Variants in SENP3 observed in about 807,000 individuals in gnomAD.
SENP3 encodes the protein sentrin-specific protease 3.
A neutral mutation model predicts 66.2 loss-of-function variants in SENP3; 11 were observed. The observed-to-expected ratio is 0.17, with a 90% CI of 0.10 to 0.28. The LOEUF (loss-of-function observed/expected upper bound fraction) is 0.28, where lower values mean the gene tolerates loss of function less well. Ranked by LOEUF, SENP3 falls within the 10% of genes least tolerant of loss-of-function variation. The pLI, the probability that SENP3 is intolerant of heterozygous loss-of-function variation, is 1.00. For missense variants in SENP3, 548 were observed against 743.7 expected, an observed-to-expected ratio of 0.74 and a Z score of 3.06; for synonymous variants, 292 against 277.6, an observed-to-expected ratio of 1.05 and a Z score of -0.52.
rs1163690216 is a variant in SENP3, at chr17:7,563,431, C to A, written c.355C>A (p.Arg119=). 1 of 1,375,800 alleles carries A rather than the reference C, an allele frequency of 7.3e-7. No individual in the cohort carries two copies. Among genetic ancestry groups the A allele is most frequent in the Non-Finnish European group, 9.8e-7 (1 of 1,018,170 alleles). The allele number at this position is 1,375,800 out of a possible 1,614,324, so 85.2% of individuals were successfully genotyped here. A position where few individuals can be genotyped will look rare whatever the true frequency, so the allele number is the denominator to read the frequency against. ...GCCCCGCCCTTCCCGCCCCACTCAT[C>A]GAAAAACCTGCTCACAGCGCCGCCG... ...QRPRPSRPTH[R]KTCSQRRRRA... The change falls in exon 2 of 11, where the codon CGA becomes AGA. Residue 119 remains arginine (R), a synonymous_variant. Transcript: ENST00000321337.
intron 2 of SENP3, 57 bp from the exon 3 acceptor site, chr17:7,564,568 C>G: frequency 1.2e-6 from 2 of 1,601,998 alleles, no homozygotes; most frequent in Non-Finnish European, 1.7e-6. Context: ...GTGTGCATCC[C>G]ATTGTGCTTT....
At chr17:7,566,033 T>TA (rs541730447) in intron 6 of SENP3, 3,926 of 292,540 alleles carry the variant, frequency 0.013, no homozygotes, top group Middle Eastern at 0.027. Context: ...AAACAAGATT[T>TA]AAAAAAAAAA....
At position 7,571,414 on chromosome 17, in the gene SENP3, C is replaced by T; in HGVS notation, c.1656C>T (p.Thr552=). ...CCCTGTCTCAGCCATTCAGCTTCAC[C>T]CAGCAGGACATGCCCAAACTTCGTC... The part of the protein sequence containing the change: ...HLALSQPFSF[T]QQDMPKLRRQ... Residue 552 remains threonine (T), a synonymous_variant, in exon 11 of 11, where the codon ACC becomes ACT. Transcript: ENST00000321337. 4.3e-6 allele frequency: 7 copies of T among 1,613,738 alleles called. No homozygotes were observed. The highest frequency in any genetic ancestry group is 5.9e-6 in the Non-Finnish European group (7 of 1,179,802).
In SENP3 at chr17:7,570,696, C is replaced by A. The variant is rs375438989; in HGVS notation, c.1495C>A (p.Leu499Ile). The change falls in exon 9 of 11, where the codon CTA becomes ATA. Residue 499 changes from leucine (L) to isoleucine (I), a missense_variant. By Grantham distance (5) the Leu-to-Ile change is conservative (BLOSUM62 2). Coordinates refer to ENST00000321337, the MANE Select transcript of SENP3 (RefSeq NM_015670.6). The surrounding 1 kb of genome is among the most constrained non-coding windows in gnomAD (Gnocchi z 5.4). ...ATCCACATAGCATATTGCCAAGTAT[C>A]TACAGGCAGAGGCGGTAAAGAAAGA... ...RRCPKHIAKY[L>I]QAEAVKKDRL... 3 of 1,612,726 alleles carry A rather than the reference C, an allele frequency of 1.9e-6. No individual in the cohort carries two copies. Among genetic ancestry groups the A allele is most frequent in the Non-Finnish European group, 2.5e-6 (3 of 1,179,356 alleles).
chr17:7,566,603 T>C (rs1172940894), intron 6 of SENP3, among the ~76,000 whole-genome samples: 2 of 138,678 alleles, frequency 1.4e-5, no homozygotes, highest in Non-Finnish European at 3.2e-5. Context: ...GAGGCGGAGG[T>C]TGCAGCGAGT....
At position 7,570,583 on chromosome 17, in the gene SENP3, G is replaced by A. The variant is rs2071304899; in HGVS notation, c.1479+90G>A. ...AGAAGGGTGGGCTTTGGGTCTTTGAGGGGCGACCTGGGCATGGTGTCTGCC... is the reference window on the plus strand; with the variant it reads ...AGAAGGGTGGGCTTTGGGTCTTTGAAGGGCGACCTGGGCATGGTGTCTGCC... On this transcript the variant is annotated intron_variant, in intron 8 of 10. Coordinates refer to ENST00000321337, the MANE Select transcript of SENP3 (RefSeq NM_015670.6). This position sits in a 1 kb window ranked among gnomAD's most constrained non-coding sequence, Gnocchi z 5.4. 9 of 1,567,482 alleles carry A rather than the reference G, an allele frequency of 5.7e-6. No homozygotes were observed. The highest frequency in any genetic ancestry group is 2.7e-5 in the African/African-American group (2 of 73,786).
intron 6 of SENP3, among the ~76,000 whole-genome samples, chr17:7,566,342 C>CA (rs753219905): frequency 0.02 from 2,018 of 101,880 alleles, 39 homozygotes; most frequent in African/African-American, 0.061. Context: ...AATTCTGTCT[C>CA]AAAAAAAAAA....
intron 2 of SENP3, 187 bp from the exon 3 acceptor site, chr17:7,564,438 T>C: frequency 1.3e-6 from 1 of 788,048 alleles, no homozygotes; most frequent in Middle Eastern, 2.2e-4. Context: ...CCCTGTAGAA[T>C]CTCTTGGACA....
At chr17:7,569,019 A>C (rs2071289846) in intron 7 of SENP3, among the ~76,000 whole-genome samples, 1 of 152,212 alleles carries the variant, frequency 6.6e-6, no homozygotes, top group Admixed American at 6.5e-5. Context: ...GTGGAGAGAA[A>C]GCCCCACAAA....
In SENP3 at chr17:7,565,569, G is replaced by T; in HGVS notation, c.1197G>T (p.Gln399His). 6.2e-7 allele frequency: 1 copy of T among 1,613,914 alleles called. No homozygotes were observed. Among genetic ancestry groups the T allele is most frequent in the Non-Finnish European group, 8.5e-7 (1 of 1,179,852 alleles). ...TMDDLGTLYG[Q>H]NWLNDQVMNM... is the part of the protein sequence containing the mutation. ...ATGACTTGGGGACCTTGTATGGACAGAACTGGCTCAATGACCAGGTGAGAA... is the reference window on the plus strand; with the variant it reads ...ATGACTTGGGGACCTTGTATGGACATAACTGGCTCAATGACCAGGTGAGAA... Residue 399 changes from glutamine (Q) to histidine (H), a missense_variant, in exon 5 of 11, where the codon CAG becomes CAT. Around this residue, in one of 6 missense-constraint regions of SENP3, gnomAD observed 72 missense variants for 137.9 expected, o/e 0.52. Coordinates refer to ENST00000321337, the MANE Select transcript of SENP3 (RefSeq NM_015670.6).
Position 7,565,053 on chromosome 17 carries a change from G to A in SENP3, c.1050G>A (p.Glu350=). 1.9e-6 allele frequency: 3 copies of A among 1,613,062 alleles called. No homozygotes were observed. Among genetic ancestry groups the A allele is most frequent in the Non-Finnish European group, 2.5e-6 (3 of 1,179,070 alleles). Residue 350 remains glutamate (E), a synonymous_variant, in exon 4 of 11, where the codon GAG becomes GAA. Transcript: ENST00000321337. The part of the protein sequence containing the change: ...VEKLEDIFQQ[E]FSTPSRKGLV... Reference sequence around the variant, plus strand: ...AGCTGGAGGACATTTTCCAGCAGGAGTTTTCCACCCCTTCCAGGTGAGGCT... The same window carrying A: ...AGCTGGAGGACATTTTCCAGCAGGAATTTTCCACCCCTTCCAGGTGAGGCT...
In SENP3 at chr17:7,570,227, A is replaced by G; in HGVS notation, c.1342-129A>G. ...CATGCAGATCCTGAGCTTGCCCACAATCTAGGCCTTGGGTCTTCTGTTCTT... is the reference window on the plus strand; with the variant it reads ...CATGCAGATCCTGAGCTTGCCCACAGTCTAGGCCTTGGGTCTTCTGTTCTT... On this transcript the variant is annotated intron_variant, in intron 7 of 10. Coordinates refer to ENST00000321337, the MANE Select transcript of SENP3 (RefSeq NM_015670.6). The surrounding 1 kb of genome is among the most constrained non-coding windows in gnomAD (Gnocchi z 5.4). The G allele has an allele frequency of 1.7e-6, 2 of 1,184,994 alleles. No individual in the cohort carries two copies. Among genetic ancestry groups the G allele is most frequent in the African/African-American group, 1.5e-5 (1 of 65,462 alleles). 73.4% of individuals were successfully genotyped at this position (1,184,994 alleles called of 1,614,324 possible).
chr17:7,571,359 T>C lies in SENP3; in HGVS notation c.1615-14T>C. ...CACGGGGGGTTTCTCATGGCTTGCT[T>C]TGTTAACACCCAGTACTGCAAGCAT... is the stretch of plus-strand genomic sequence containing the variant. On this transcript the variant is annotated splice_polypyrimidine_tract_variant and intron_variant, in intron 10 of 10. Transcript: ENST00000321337. The C allele has an allele frequency of 6.2e-7, 1 of 1,601,712 alleles. No individual in the cohort carries two copies. Among genetic ancestry groups the C allele is most frequent in the South Asian group, 1.1e-5 (1 of 90,816 alleles).
Position 7,570,220 on chromosome 17 carries a change from G to C in SENP3, c.1342-136G>C. 9.3e-7 allele frequency: 1 copy of C among 1,077,994 alleles called. No individual in the cohort carries two copies. The highest frequency in any genetic ancestry group is 1.3e-6 in the Non-Finnish European group (1 of 744,130). The allele number at this position is 1,077,994 out of a possible 1,614,324, so 66.8% of individuals were successfully genotyped here. A position where few individuals can be genotyped will look rare whatever the true frequency, so the allele number is the denominator to read the frequency against. ...ACCGAAACATGCAGATCCTGAGCTT[G>C]CCCACAATCTAGGCCTTGGGTCTTC... On this transcript the variant is annotated intron_variant, in intron 7 of 10. Transcript: ENST00000321337. The surrounding 1 kb of genome is among the most constrained non-coding windows in gnomAD (Gnocchi z 5.4).
chr17:7,563,379 A>G lies in SENP3; in HGVS notation c.303A>G (p.Arg101=), dbSNP rs2071238737. Residue 101 remains arginine (R), a synonymous_variant, in exon 2 of 11, where the codon AGA becomes AGG. Transcript: ENST00000321337. ...TGGCAGCTTGGAGGCTGCCCCCAAG[A>G]TGGAGTCAGCTGGGAACCTCCCAGC... ...EEVAAWRLPP[R]WSQLGTSQRP... is the part of the protein sequence containing the mutation. 10 of 1,551,142 alleles carry G rather than the reference A, an allele frequency of 6.4e-6. No individual in the cohort carries two copies. The highest frequency in any genetic ancestry group is 1.4e-5 in the African/African-American group (1 of 73,020).
In SENP3 at chr17:7,570,917, G is replaced by A; in HGVS notation, c.1598G>A (p.Gly533Asp). ...VARQNNDSDCGAFVLQYCKHL... is the reference protein window; with the variant it reads ...VARQNNDSDCDAFVLQYCKHL... ...AGGCAGAATAATGACAGTGACTGTGGTGCTTTTGTGTTGCAGGTAAGCAGA... is the reference window on the plus strand; with the variant it reads ...AGGCAGAATAATGACAGTGACTGTGATGCTTTTGTGTTGCAGGTAAGCAGA... Residue 533 changes from glycine to aspartate, a missense_variant, in exon 10 of 11, where the codon GGT becomes GAT. Gly to Asp is a moderately conservative substitution (Grantham distance 94). Coordinates refer to ENST00000321337, the MANE Select transcript of SENP3 (RefSeq NM_015670.6). The surrounding 1 kb of genome is among the most constrained non-coding windows in gnomAD (Gnocchi z 5.4). The A allele has an allele frequency of 6.2e-7, 1 of 1,613,558 alleles. No individual in the cohort carries two copies. The highest frequency in any genetic ancestry group is 8.5e-7 in the Non-Finnish European group (1 of 1,179,712).
Position 7,564,606 on chromosome 17 carries a change from C to T in SENP3, c.716-19C>T. On this transcript the variant is annotated intron_variant, in intron 2 of 10. Transcript: ENST00000321337. ...CCAGGCCAGTCTCTCATGCCCATTC[C>T]ATTTCCCCTGCCCTATAGGCCTCCT... 6.2e-7 allele frequency: 1 copy of T among 1,613,552 alleles called. No homozygotes were observed.
At position 7,565,219 on chromosome 17, in the gene SENP3, G is replaced by A; in HGVS notation, c.1067+149G>A. 5.0e-6 allele frequency: 4 copies of A among 793,464 alleles called. No individual in the cohort carries two copies. In the South Asian group the frequency reaches 5.3e-5, roughly 10 times the overall value. 49.2% of individuals were successfully genotyped at this position (793,464 alleles called of 1,614,324 possible). Reference sequence around the variant, plus strand: ...CTCTGCAGGCAGGTGCCAAATCCTTGGAAGCTGATGGGAGAGTCTTTACCT... The same window carrying A: ...CTCTGCAGGCAGGTGCCAAATCCTTAGAAGCTGATGGGAGAGTCTTTACCT... On this transcript the variant is annotated intron_variant, in intron 4 of 10. Transcript: ENST00000321337.
chr17:7,565,153 G>T lies in SENP3; in HGVS notation c.1067+83G>T, dbSNP rs575774949. 1.7e-5 allele frequency: 19 copies of T among 1,093,344 alleles called. No homozygotes were observed. The African/African-American group carries it at 2.7e-4, about 15-fold the overall frequency. 67.7% of individuals were successfully genotyped at this position (1,093,344 alleles called of 1,614,324 possible). On this transcript the variant is annotated intron_variant, in intron 4 of 10. Transcript: ENST00000321337. Reference sequence around the variant, plus strand: ...ATACTGCTGCCTTTTCTTCCATAGGGCTGTAGTTGGGGAGGAGGAAGCTAG... The same window carrying T: ...ATACTGCTGCCTTTTCTTCCATAGGTCTGTAGTTGGGGAGGAGGAAGCTAG...
Sources: gnomAD v4.1 joint callset for allele counts (sites outside exome capture counted in the v4.1 genomes callset) on GRCh38, gnomAD v4.1.1 for gene constraint, gnomAD v4.1.1 regional missense constraint, Gnocchi (gnomAD v3.1) non-coding constraint, MANE v1.5 for transcripts, NCBI Gene and HGNC (gene_info 2026-07-23, HGNC 2026-07-21) for gene names.